Variants in TMEM178B observed in about 807,000 individuals in gnomAD.
TMEM178B encodes transmembrane protein 178B.
In TMEM178B, 5 loss-of-function variants were observed where a neutral mutation model predicts 31.0. That is an observed-to-expected ratio of 0.16 (90% CI 0.08 to 0.34). The LOEUF is 0.34. TMEM178B is among the 10% of genes least tolerant of loss of function. The pLI is 1.00. For synonymous variants in TMEM178B, 164 were observed against 164.0 expected, an observed-to-expected ratio of 1.00 and a Z score of 0.00; for missense variants, 275 against 400.3, an observed-to-expected ratio of 0.69 and a Z score of 2.67.
chr7:141,503,851 G>C, the TMEM178B span, among the ~76,000 whole-genome samples: 1 of 152,094 alleles, frequency 6.6e-6, no homozygotes, highest in Non-Finnish European at 1.5e-5. Context: ...GATCTGTCCT[G>C]GTCTGGGTTT....
intron 2 of TMEM178B, among the ~76,000 whole-genome samples, chr7:141,388,113 T>C (rs1311298543): frequency 6.6e-6 from 1 of 152,202 alleles, no homozygotes; most frequent in Non-Finnish European, 1.5e-5. Context: ...GAAGCAGCTT[T>C]CTTTACTCAA....
At chr7:141,222,127 G>C (rs946165409) in intron 2 of TMEM178B, among the ~76,000 whole-genome samples, 25 of 152,302 alleles carry the variant, frequency 1.6e-4, no homozygotes, top group Admixed American at 1.0e-3. Context: ...CAGGGAAGCA[G>C]GACCTGTATT....
chr7:141,447,059 G>C (rs1416913053), intron 3 of TMEM178B, among the ~76,000 whole-genome samples: 1 of 152,096 alleles, frequency 6.6e-6, no homozygotes, highest in Non-Finnish European at 1.5e-5. Flanking sequence ...AATAAATACT[G>C]ATTGCCTATT....
chr7:141,370,196 G>T (rs1231903664), intron 2 of TMEM178B, among the ~76,000 whole-genome samples: 1 of 152,146 alleles, frequency 6.6e-6, no homozygotes, highest in African/African-American at 2.4e-5. Context: ...ACGTTGCAGA[G>T]AGATTATTAA....
At position 141,103,690 on chromosome 7, in the gene TMEM178B, A is replaced by C. The variant is rs17161882; in HGVS notation, c.382+28998A>C. On this transcript the variant is annotated intron_variant, in intron 1 of 3. Coordinates refer to ENST00000565468, the MANE Select transcript of TMEM178B (RefSeq NM_001195278.2). ...GGCTTCTATGTAGCTTTAGGGAACA[A>C]AATTTGACCTGGAAGAAACCTGAAT... Among the ~76,000 whole-genome samples, 1,168 of 152,294 alleles carry C rather than the reference A, an allele frequency of 7.7e-3. 12 individuals are homozygous for C. The highest frequency in any genetic ancestry group is 0.026 in the African/African-American group (1,081 of 41,562).
At chr7:141,237,973 G>A (rs1264669052) in intron 2 of TMEM178B, among the ~76,000 whole-genome samples, 2 of 149,500 alleles carry the variant, frequency 1.3e-5, no homozygotes, top group Non-Finnish European at 3.0e-5. Flanking sequence ...GCAGTGAGCC[G>A]AGAATGCACC....
intron 1 of TMEM178B, among the ~76,000 whole-genome samples, chr7:141,103,282 G>A (rs2129174109): frequency 6.6e-6 from 1 of 152,270 alleles, no homozygotes; most frequent in Non-Finnish European, 1.5e-5. Flanking sequence ...AAAGAGAGGG[G>A]CAGTTGATAG....
At chr7:141,116,133 C>G (rs1795315087) in intron 1 of TMEM178B, among the ~76,000 whole-genome samples, 1 of 152,196 alleles carries the variant, frequency 6.6e-6, no homozygotes, top group African/African-American at 2.4e-5. Context: ...CTTTGAACCA[C>G]TGAGAAACCT....
At chr7:141,141,253 G>A (rs1442745461) in intron 1 of TMEM178B, among the ~76,000 whole-genome samples, 1 of 151,810 alleles carries the variant, frequency 6.6e-6, no homozygotes, top group Non-Finnish European at 1.5e-5. Context: ...CTTCCAGATG[G>A]TTCCTGCGTT....
chr7:141,329,023 G>A (rs62486674), intron 2 of TMEM178B, among the ~76,000 whole-genome samples: 46,655 of 151,820 alleles, frequency 0.31, 7,321 homozygotes, highest in African/African-American at 0.35. Flanking sequence ...GTCCCCCCCA[G>A]TCTATAATGT....
intron 2 of TMEM178B, among the ~76,000 whole-genome samples, chr7:141,302,738 C>G (rs1045204030): frequency 3.3e-5 from 5 of 152,212 alleles, no homozygotes; most frequent in African/African-American, 1.2e-4. Context: ...TACTGTCCCA[C>G]TCCAGTGCTC....
At chr7:141,509,737 C>T in the TMEM178B span, among the ~76,000 whole-genome samples, 29 of 152,224 alleles carry the variant, frequency 1.9e-4, no homozygotes, top group Non-Finnish European at 4.1e-4. Flanking sequence ...GGCAACCCAG[C>T]TCCCCTGTGA....
chr7:141,361,787 G>C (rs963584502), intron 2 of TMEM178B, among the ~76,000 whole-genome samples: 1 of 152,178 alleles, frequency 6.6e-6, no homozygotes, highest in East Asian at 1.9e-4. Context: ...AATTGAGACT[G>C]TCTCTCTCAA....
In TMEM178B at chr7:141,117,827, TGG is replaced by T. The variant is rs1795344078; in HGVS notation, c.382+43136_382+43137del. Reference sequence around the variant, plus strand: ...CAAAGATCAGATGGTTGTAGATGTGTGGCGTTTTTTCTGAGGCTTCTGTTCTG... The same window carrying T: ...CAAAGATCAGATGGTTGTAGATGTGTCGTTTTTTCTGAGGCTTCTGTTCTG... On this transcript the variant is annotated intron_variant, in intron 1 of 3. Transcript: ENST00000565468. 2.0e-5 allele frequency among the ~76,000 whole-genome samples: 3 copies of T among 152,300 alleles called. No individual in the cohort carries two copies. The South Asian group carries it at 6.2e-4, about 32-fold the overall frequency.
intron 2 of TMEM178B, among the ~76,000 whole-genome samples, chr7:141,310,251 A>G (rs1427613733): frequency 6.6e-6 from 1 of 152,162 alleles, no homozygotes; most frequent in Non-Finnish European, 1.5e-5. Context: ...AAACAGTCCT[A>G]TTAAAAAGTG....
At chr7:141,299,228 G>A (rs1261359079) in intron 2 of TMEM178B, among the ~76,000 whole-genome samples, 4 of 152,108 alleles carry the variant, frequency 2.6e-5, no homozygotes, top group Non-Finnish European at 5.9e-5. Context: ...CCAGGCTGGA[G>A]TGCAGTGGTG....
chr7:141,358,811 A>G (rs1333758286), intron 2 of TMEM178B, among the ~76,000 whole-genome samples: 1 of 152,178 alleles, frequency 6.6e-6, no homozygotes, highest in Non-Finnish European at 1.5e-5. Flanking sequence ...ATATTTTTGT[A>G]ACTATTAGAT....
intron 2 of TMEM178B, among the ~76,000 whole-genome samples, chr7:141,365,300 A>G (rs1053417084): frequency 2.0e-5 from 3 of 152,254 alleles, no homozygotes; most frequent in African/African-American, 4.8e-5. Flanking sequence ...TGGCAAAGAT[A>G]GAGGACATCT....
At chr7:141,091,581 A>G (rs1361949699) in intron 1 of TMEM178B, among the ~76,000 whole-genome samples, 1 of 152,190 alleles carries the variant, frequency 6.6e-6, no homozygotes, top group Non-Finnish European at 1.5e-5. Flanking sequence ...GAGCTGCATC[A>G]GAGACCATAA....
Sources: allele counts gnomAD v4.1 joint callset (sites outside exome capture counted in the v4.1 genomes callset), GRCh38; gene constraint gnomAD v4.1.1; transcripts MANE v1.5; gene names NCBI Gene and HGNC (gene_info 2026-07-23, HGNC 2026-07-21).